IRAG2: variants seen among roughly 807,000 people sequenced by gnomAD.
The protein encoded by IRAG2 is lymphoid restricted membrane protein.
Under a neutral mutation model 69.9 loss-of-function variants are expected in IRAG2, and 45 were observed. The observed-to-expected ratio is 0.64, with a 90% confidence interval of 0.51 to 0.83. The LOEUF (loss-of-function observed/expected upper bound fraction) is 0.83, where lower values mean the gene tolerates loss of function less well. Ranked by LOEUF, IRAG2 falls within the 40% of genes least tolerant of loss-of-function variation. The probability of loss-of-function intolerance (pLI) is 0.00; values close to 1 mark genes in which losing one functional copy is unlikely to be tolerated. For missense variants in IRAG2, 520 were observed against 587.0 expected, an observed-to-expected ratio of 0.89 and a Z score of 1.18; for synonymous variants, 193 against 202.4, an observed-to-expected ratio of 0.95 and a Z score of 0.40.
At chr12:25,036,084 C>T (rs2139853639) in intron 14 of IRAG2, among the ~76,000 whole-genome samples, 1 of 152,100 alleles carries the variant, frequency 6.6e-6, no homozygotes, top group Non-Finnish European at 1.5e-5. Context: ...GAACAGTTTC[C>T]TTCTTTAAAT....
intron 6 of IRAG2, among the ~76,000 whole-genome samples, chr12:25,077,330 T>G (rs56275093): frequency 8.2e-5 from 1 of 12,244 alleles, no homozygotes; most frequent in Non-Finnish European, 2.9e-4. Flanking sequence ...ATATATATGA[T>G]ATATATATGA....
In IRAG2 at chr12:25,016,006, G is replaced by A. The variant is rs116288149; in HGVS notation, c.1055+578G>A. 7.9e-3 allele frequency among the ~76,000 whole-genome samples: 1,199 copies of A among 152,218 alleles called. 20 individuals carry two copies. Among genetic ancestry groups the A allele is most frequent in the African/African-American group, 0.026 (1,085 of 41,520 alleles). The stretch of plus-strand genomic sequence containing the variant: ...AAGTCAGAAGTTTGAGACCAGCCTG[G>A]CCCACATGGTGAAATGCTGTCTCTA... On this transcript the variant is annotated intron_variant, in intron 5 of 38. Transcript: ENST00000636465.
chr12:25,077,196 GAAAT>G (rs1216283086), intron 6 of IRAG2, among the ~76,000 whole-genome samples: 3 of 92,186 alleles, frequency 3.3e-5, no homozygotes, highest in African/African-American at 1.1e-4. Flanking sequence ...ATATATATAT[GAAAT>G]ATATATATGA....
upstream of IRAG2, among the ~76,000 whole-genome samples, chr12:25,003,248 A>G (rs916356304): frequency 1.4e-4 from 21 of 152,244 alleles, no homozygotes; most frequent in Admixed American, 1.1e-3. Context: ...AAAAAATCAT[A>G]GTTTTTGAAA....
chr12:25,052,446 C>CAA (rs1233542394), upstream of IRAG2: 22 of 302,512 alleles, frequency 7.3e-5, no homozygotes, highest in Middle Eastern at 8.5e-4. Context: ...CAACAACAAA[C>CAA]AAAAAAAAAA....
chr12:25,088,260 C>T (rs1947783681), intron 11 of IRAG2, 103 bp downstream of exon 11: 1 of 914,336 alleles, frequency 1.1e-6, no homozygotes, highest in East Asian at 2.5e-5. Context: ...ACAAATTCTG[C>T]ATCTCTGGAT....
At chr12:25,074,826 C>A (rs776002024) in intron 6 of IRAG2, among the ~76,000 whole-genome samples, 1 of 152,206 alleles carries the variant, frequency 6.6e-6, no homozygotes, top group East Asian at 1.9e-4. Flanking sequence ...TTATTACATG[C>A]TTTTGTCTAA....
rs753460217 is a variant in IRAG2, at chr12:25,069,374, C to T, written c.-34C>T. 4.3e-6 allele frequency: 7 copies of T among 1,610,582 alleles called. No homozygotes were observed. Among genetic ancestry groups the T allele is most frequent in the Non-Finnish European group, 5.9e-6 (7 of 1,177,390 alleles). ...GGTGCCCAGGCCCCACAAGTGGCCC[C>T]AGCCCAGGAACGAATCTCTCAGGCT... is the stretch of plus-strand genomic sequence containing the variant. On this transcript the variant is annotated 5_prime_UTR_variant, in exon 6 of 22. Transcript: ENST00000556887.
intron 9 of IRAG2, among the ~76,000 whole-genome samples, chr12:25,028,954 G>A (rs570476017): frequency 6.6e-6 from 1 of 152,310 alleles, no homozygotes; most frequent in East Asian, 1.9e-4. Context: ...CAGTAGTGCA[G>A]TGGCATTATC....
intron 10 of IRAG2, among the ~76,000 whole-genome samples, chr12:25,086,143 G>C (rs765915955): frequency 2.0e-5 from 3 of 152,206 alleles, no homozygotes; most frequent in Non-Finnish European, 2.9e-5. Context: ...GCCATTGGAA[G>C]TTGTGGGACT....
chr12:25,029,416 G>A (rs1005850451), intron 9 of IRAG2, among the ~76,000 whole-genome samples: 3 of 152,176 alleles, frequency 2.0e-5, no homozygotes, highest in African/African-American at 4.8e-5. Context: ...TGTGATGTTT[G>A]TACCTATCCC....
intron 6 of IRAG2, among the ~76,000 whole-genome samples, chr12:25,073,382 G>T (rs7968874): frequency 0.012 from 1,878 of 152,266 alleles, 32 homozygotes; most frequent in African/African-American, 0.042. Context: ...ATTTATTTAG[G>T]TTGTACTCAC....
Position 25,075,550 on chromosome 12 carries a change from GTGTGTGTA to G in IRAG2, c.25-3686_25-3679del, listed in dbSNP as rs1407504432. Among the ~76,000 whole-genome samples the G allele has an allele frequency of 7.9e-3, 1,149 of 145,820 alleles. 29 individuals are homozygous for G. In the East Asian group the frequency reaches 0.083, roughly 11 times the overall value. ...TGTGTGTGTGTGTGTGTGTGTGTGT[GTGTGTGTA>G]TGTGTGTCTCCTGTGTTTGCTGACC... On this transcript the variant is annotated intron_variant, in intron 6 of 21. Transcript: ENST00000556887.
intron 3 of IRAG2, among the ~76,000 whole-genome samples, chr12:25,012,776 C>T (rs140983647): frequency 1.3e-5 from 2 of 151,976 alleles, no homozygotes; most frequent in African/African-American, 4.8e-5. Context: ...TGAAGTGAGC[C>T]GAGATCGTGC....
At chr12:25,051,741 G>A (rs943029814), upstream of IRAG2, among the ~76,000 whole-genome samples, 6 of 152,190 alleles carry the variant, frequency 3.9e-5, no homozygotes, top group African/African-American at 1.4e-4. Flanking sequence ...CGTGGCACGT[G>A]TTTATACTAT....
intron 8 of IRAG2, among the ~76,000 whole-genome samples, chr12:25,025,523 C>CA (rs757894418): frequency 1.0e-4 from 15 of 149,932 alleles, no homozygotes; most frequent in Admixed American, 3.3e-4. Context: ...CAAAACAAAA[C>CA]AAAAAAAACA....
At chr12:25,075,779 T>C (rs1946654987) in intron 6 of IRAG2, 1 of 152,204 alleles carries the variant, frequency 6.6e-6, no homozygotes, top group Middle Eastern at 3.2e-3. Context: ...GTTAGATTCA[T>C]TGACTTGAGC....
chr12:25,095,002 T>A (rs1207299577), intron 14 of IRAG2, among the ~76,000 whole-genome samples: 1 of 152,138 alleles, frequency 6.6e-6, no homozygotes, highest in African/African-American at 2.4e-5. Context: ...ATGTATGAGA[T>A]CATATCATCT....
chr12:25,072,457 C>T (rs1020876193), intron 6 of IRAG2, among the ~76,000 whole-genome samples: 3 of 152,130 alleles, frequency 2.0e-5, no homozygotes, highest in African/African-American at 7.2e-5. Flanking sequence ...CTGCCTCTGA[C>T]CCTTGTCCCT....
Sources: gnomAD v4.1 joint callset for allele counts (sites outside exome capture counted in the v4.1 genomes callset) on GRCh38, gnomAD v4.1.1 for gene constraint, MANE v1.5 for transcripts, NCBI Gene and HGNC (gene_info 2026-07-23, HGNC 2026-07-21) for gene names.